INPP4B: variants seen among roughly 807,000 people sequenced by gnomAD.
The protein encoded by INPP4B is inositol polyphosphate 4-phosphatase type II.
In INPP4B, 55 loss-of-function variants were observed where a neutral mutation model predicts 122.5. The ratio of observed to expected loss-of-function variants is 0.45; its 90% CI spans 0.36 to 0.56. The LOEUF is 0.56. INPP4B is among the 20% of genes least tolerant of loss of function. The probability of loss-of-function intolerance (pLI) is 0.00; values close to 1 mark genes in which losing one functional copy is unlikely to be tolerated. For synonymous variants in INPP4B, 403 were observed against 388.7 expected (o/e 1.04, Z -0.43); for missense variants, 1,000 against 1,097.7 (o/e 0.91, Z 1.26).
chr4:142,697,996 T>C (rs1761242145), intron 2 of INPP4B, among the ~76,000 whole-genome samples: 1 of 152,202 alleles, frequency 6.6e-6, no homozygotes, highest in Non-Finnish European at 1.5e-5. Context: ...AATTTAAGGT[T>C]AGCTTCTTAT....
chr4:142,803,212 C>CATCAAAAA (rs1443058353), intron 1 of INPP4B, among the ~76,000 whole-genome samples: 2 of 144,870 alleles, frequency 1.4e-5, no homozygotes, highest in African/African-American at 5.1e-5. Flanking sequence ...AGAAATGAAA[C>CATCAAAAA]ATCAAAAACC....
At chr4:142,120,202 C>T (rs1266053156) in intron 21 of INPP4B, among the ~76,000 whole-genome samples, 1 of 148,266 alleles carries the variant, frequency 6.7e-6, no homozygotes, top group Non-Finnish European at 1.5e-5. Flanking sequence ...TATTAATCTA[C>T]ATTATATACT....
intron 1 of INPP4B, among the ~76,000 whole-genome samples, chr4:142,843,054 A>C (rs1040776491): frequency 1.3e-5 from 2 of 150,054 alleles, no homozygotes; most frequent in East Asian, 3.9e-4. Flanking sequence ...AAATAAACTA[A>C]CACAGTTTGA....
chr4:142,777,517 C>G (rs1349013621), intron 1 of INPP4B, among the ~76,000 whole-genome samples: 1 of 152,116 alleles, frequency 6.6e-6, no homozygotes, highest in Non-Finnish European at 1.5e-5. Context: ...CCAGCCAACA[C>G]CTTGATTGCA....
chr4:142,161,993 C>A (rs1046124029), intron 16 of INPP4B, among the ~76,000 whole-genome samples: 3 of 151,842 alleles, frequency 2.0e-5, no homozygotes, highest in Non-Finnish European at 4.4e-5. Flanking sequence ...TTCTGTCCTT[C>A]TTCCTCTTCT....
At chr4:142,522,882 G>C (rs141728213) in intron 2 of INPP4B, among the ~76,000 whole-genome samples, 35 of 152,124 alleles carry the variant, frequency 2.3e-4, no homozygotes, top group African/African-American at 7.9e-4. Flanking sequence ...ATTTTAAAGT[G>C]GCTACCACAG....
At chr4:142,500,164 C>T (rs1433040817) in intron 2 of INPP4B, among the ~76,000 whole-genome samples, 1 of 152,128 alleles carries the variant, frequency 6.6e-6, no homozygotes, top group African/African-American at 2.4e-5. Context: ...AAGAGCTTGG[C>T]AAAATTCTGA....
At chr4:142,110,603 G>A (rs1164571549) in intron 22 of INPP4B, among the ~76,000 whole-genome samples, 3 of 152,014 alleles carry the variant, frequency 2.0e-5, no homozygotes, top group Non-Finnish European at 2.9e-5. Context: ...TCAAATTAAC[G>A]GTTGATGTCA....
chr4:142,400,133 T>C (rs1389291021), intron 7 of INPP4B, among the ~76,000 whole-genome samples: 2 of 152,206 alleles, frequency 1.3e-5, no homozygotes, highest in African/African-American at 4.8e-5. Flanking sequence ...AAACATCTAG[T>C]ACAAATATGT....
chr4:142,098,999 A>C (rs771228382), intron 23 of INPP4B, among the ~76,000 whole-genome samples: 4 of 152,252 alleles, frequency 2.6e-5, no homozygotes, highest in Non-Finnish European at 4.4e-5. Flanking sequence ...GAAATCACAG[A>C]GTGTGGTGGC....
At chr4:142,279,973 T>C (rs1424187427) in intron 9 of INPP4B, among the ~76,000 whole-genome samples, 1 of 152,014 alleles carries the variant, frequency 6.6e-6, no homozygotes, top group Admixed American at 6.6e-5. Flanking sequence ...AAAGGATATA[T>C]GGATGGCAAA....
chr4:142,543,484 G>A (rs191113173), intron 2 of INPP4B, among the ~76,000 whole-genome samples: 1 of 152,196 alleles, frequency 6.6e-6, no homozygotes, highest in Admixed American at 6.5e-5. Context: ...ACTTTCTGAC[G>A]GAGCTAAATC....
At chr4:142,428,913 A>C (rs1230438698) in intron 5 of INPP4B, among the ~76,000 whole-genome samples, 1 of 151,992 alleles carries the variant, frequency 6.6e-6, no homozygotes, top group Non-Finnish European at 1.5e-5. Flanking sequence ...CGTTAGACTG[A>C]GTGCTGGGCA....
At chr4:142,809,748 C>A (rs1779270133) in intron 1 of INPP4B, among the ~76,000 whole-genome samples, 1 of 152,058 alleles carries the variant, frequency 6.6e-6, no homozygotes, top group African/African-American at 2.4e-5. Flanking sequence ...CCTGTTTTCT[C>A]CTTATGACTG....
intron 2 of INPP4B, among the ~76,000 whole-genome samples, chr4:142,617,951 T>A (rs770005419): frequency 3.3e-5 from 5 of 152,124 alleles, no homozygotes; most frequent in Non-Finnish European, 7.4e-5. Context: ...CAAATTATTA[T>A]AATTTATCAA....
chr4:142,742,180 T>A (rs1767997192), intron 1 of INPP4B, among the ~76,000 whole-genome samples: 1 of 151,842 alleles, frequency 6.6e-6, no homozygotes, highest in African/African-American at 2.4e-5. Context: ...ACTGGAAATG[T>A]CTCAAAAGTT....
chr4:142,524,229 C>T (rs1000888953), intron 2 of INPP4B, among the ~76,000 whole-genome samples: 10 of 152,130 alleles, frequency 6.6e-5, no homozygotes, highest in African/African-American at 1.7e-4. Flanking sequence ...GAGGAATCGC[C>T]GCACCGACTT....
At chr4:142,214,742 G>A (rs901383720) in intron 12 of INPP4B, among the ~76,000 whole-genome samples, 2 of 152,074 alleles carry the variant, frequency 1.3e-5, no homozygotes, top group Non-Finnish European at 2.9e-5. Flanking sequence ...TAGTAGAGAT[G>A]GGGTTTCACC....
intron 14 of INPP4B, among the ~76,000 whole-genome samples, chr4:142,199,165 T>C (rs182261240): frequency 1.8e-3 from 279 of 152,174 alleles, no homozygotes; most frequent in Middle Eastern, 6.8e-3. Flanking sequence ...CAAACGGAAA[T>C]CATTGTAATG....
Sources: gnomAD v4.1 joint callset for allele counts (sites outside exome capture counted in the v4.1 genomes callset) on GRCh38, gnomAD v4.1.1 for gene constraint, MANE v1.5 for transcripts, NCBI Gene and HGNC (gene_info 2026-07-23, HGNC 2026-07-21) for gene names.